Variants in LOXHD1 observed in about 807,000 individuals in gnomAD.
LOXHD1 encodes lipoxygenase homology PLAT domains 1.
In LOXHD1, 205 loss-of-function variants were observed where a neutral mutation model predicts 248.2. The ratio of observed to expected loss-of-function variants is 0.83; its 90% confidence interval spans 0.74 to 0.93. LOXHD1 has a LOEUF of 0.93. Ranked by LOEUF, LOXHD1 falls within the 40% of genes least tolerant of loss-of-function variation. The pLI is 0.00. For synonymous variants in LOXHD1, 1,113 were observed against 1,162.8 expected (o/e 0.96, Z 0.87); for missense variants, 2,930 against 2,971.6 (o/e 0.99, Z 0.33).
At chr18:46,523,885 G>A (rs990551692) in intron 31 of LOXHD1, among the ~76,000 whole-genome samples, 1 of 152,084 alleles carries the variant, frequency 6.6e-6, no homozygotes, top group African/African-American at 2.4e-5. Flanking sequence ...GAGGGGGATA[G>A]CATGGTTGTC....
intron 28 of LOXHD1, among the ~76,000 whole-genome samples, chr18:46,531,620 T>A (rs887118552): frequency 6.6e-6 from 1 of 152,218 alleles, no homozygotes; most frequent in Non-Finnish European, 1.5e-5. Flanking sequence ...GAAAACTGAT[T>A]CAGCTTCTGA....
intron 21 of LOXHD1, among the ~76,000 whole-genome samples, chr18:46,553,681 C>A (rs1031924476): frequency 6.6e-6 from 1 of 152,190 alleles, no homozygotes; most frequent in African/African-American, 2.4e-5. Flanking sequence ...ATGGAACTTA[C>A]ATTCTATTGT....
At chr18:46,522,376 A>C in intron 31 of LOXHD1, 67 bp from the exon 32 acceptor site, 82 of 1,361,288 alleles carry the variant, frequency 6.0e-5, no homozygotes, top group Non-Finnish European at 7.8e-5. Context: ...TCATAGACTC[A>C]CAGATTTGGA....
Position 46,642,042 on chromosome 18 carries a change from A to G in LOXHD1, c.246-6T>C, listed in dbSNP as rs769032151. 1 of 1,552,092 alleles carries G rather than the reference A, an allele frequency of 6.4e-7. No homozygotes were observed. The highest frequency in any genetic ancestry group is 1.2e-5 in the South Asian group (1 of 84,056). ...TCTCAAAGGCAGACTTGCTCCTGCA[A>G]TGAACACGTGCAGTTAGTGCAGATC... is the stretch of plus-strand genomic sequence containing the variant. On this transcript the variant is annotated splice_region_variant and splice_polypyrimidine_tract_variant and intron_variant, in intron 2 of 40. Coordinates refer to ENST00000642948, the MANE Select transcript of LOXHD1 (RefSeq NM_001384474.1).
chr18:46,569,028 A>G (rs1369013011), intron 16 of LOXHD1, among the ~76,000 whole-genome samples: 3 of 152,134 alleles, frequency 2.0e-5, no homozygotes, highest in Non-Finnish European at 4.4e-5. Flanking sequence ...TGCACACTCA[A>G]GTTTGAAATT....
At chr18:46,648,055 A>G (rs1401646479) in intron 2 of LOXHD1, among the ~76,000 whole-genome samples, 1 of 152,178 alleles carries the variant, frequency 6.6e-6, no homozygotes, top group Non-Finnish European at 1.5e-5. Flanking sequence ...CCAGGAGTTC[A>G]AGACCAGCCT....
In LOXHD1 at chr18:46,518,141, T is replaced by C. The variant is rs370816148; in HGVS notation, c.5387A>G (p.Lys1796Arg). ...NGSTEEMQLDKKKARFEREQN... is the reference protein window; with the variant it reads ...NGSTEEMQLDRKKARFEREQN... Reference sequence around the variant, plus strand: ...CGCCTCCAGGTACCTGGCTTTCTTTTTGTCCAGCTGCATCTCCTCTGTGCT... The same window carrying C: ...CGCCTCCAGGTACCTGGCTTTCTTTCTGTCCAGCTGCATCTCCTCTGTGCT... The change falls in exon 34 of 41, where the codon AAA becomes AGA. Residue 1796 changes from lysine to arginine, a missense_variant. Lys to Arg is a conservative substitution (Grantham distance 26). Transcript: ENST00000642948. The C allele has an allele frequency of 2.5e-4, 384 of 1,551,528 alleles. 1 individual carries two copies. The highest frequency in any genetic ancestry group is 3.2e-4 in the Non-Finnish European group (372 of 1,146,990).
intron 3 of LOXHD1, 79 bp from the exon 4 acceptor site, chr18:46,639,879 T>C: frequency 6.7e-7 from 1 of 1,495,180 alleles, no homozygotes; most frequent in Non-Finnish European, 9.1e-7. Flanking sequence ...ACCCAGATGT[T>C]TACTCCAAAG....
At chr18:46,478,328 C>A (rs1413043258) in intron 40 of LOXHD1, among the ~76,000 whole-genome samples, 1 of 152,078 alleles carries the variant, frequency 6.6e-6, no homozygotes, top group East Asian at 1.9e-4. Context: ...GGATTACAGG[C>A]GTGAGCCACT....
chr18:46,531,649 G>A (rs2036076445), intron 28 of LOXHD1, among the ~76,000 whole-genome samples: 1 of 152,238 alleles, frequency 6.6e-6, no homozygotes, highest in Non-Finnish European at 1.5e-5. Flanking sequence ...CAATGCAGTA[G>A]TGCAGTCAGA....
Position 46,638,031 on chromosome 18 carries a change from G to A in LOXHD1, c.511+1585C>T, listed in dbSNP as rs149871407. Among the ~76,000 whole-genome samples the A allele has an allele frequency of 6.9e-3, 1,046 of 152,274 alleles. 19 individuals carry two copies. The highest frequency in any genetic ancestry group is 0.023 in the African/African-American group (943 of 41,552). ...CAAATGTCCAATGATAAGGGATCCA[G>A]TGAATAAATGATGGTATCTCCATGC... is the stretch of plus-strand genomic sequence containing the variant. On this transcript the variant is annotated intron_variant, in intron 4 of 40. Coordinates refer to ENST00000642948, the MANE Select transcript of LOXHD1 (RefSeq NM_001384474.1).
intron 12 of LOXHD1, among the ~76,000 whole-genome samples, chr18:46,580,189 G>T (rs1432952877): frequency 6.6e-6 from 1 of 152,170 alleles, no homozygotes; most frequent in Non-Finnish European, 1.5e-5. Flanking sequence ...GCTTTCTTGG[G>T]GGACTCTGAT....
chr18:46,541,962 A>T, intron 24 of LOXHD1, 22 bp from the exon 25 acceptor site: 1 of 1,544,948 alleles, frequency 6.5e-7, no homozygotes, highest in Admixed American at 2.0e-5. Context: ...GGAGACACAA[A>T]ACCCATCAAG....
At chr18:46,592,298 G>C (rs376830265) in intron 11 of LOXHD1, among the ~76,000 whole-genome samples, 200 bp downstream of exon 11, 25 of 152,076 alleles carry the variant, frequency 1.6e-4, no homozygotes, top group Non-Finnish European at 3.1e-4. Context: ...ACACCTGAGC[G>C]TTTTCTTAAT....
chr18:46,483,063 A>G (rs2032716047), intron 40 of LOXHD1, among the ~76,000 whole-genome samples: 1 of 152,152 alleles, frequency 6.6e-6, no homozygotes, highest in Non-Finnish European at 1.5e-5. Flanking sequence ...AATCTTCCAG[A>G]AATGTCTGAG....
At chr18:46,623,441 G>A (rs893872442) in intron 4 of LOXHD1, among the ~76,000 whole-genome samples, 2 of 152,210 alleles carry the variant, frequency 1.3e-5, no homozygotes, top group African/African-American at 4.8e-5. Context: ...CTAAACACAT[G>A]GTACCTTTCA....
chr18:46,649,147 G>A lies in LOXHD1; in HGVS notation c.245+8C>T, dbSNP rs1287106510. 23 of 1,549,650 alleles carry A rather than the reference G, an allele frequency of 1.5e-5. No homozygotes were observed. The highest frequency in any genetic ancestry group is 1.9e-5 in the Non-Finnish European group (22 of 1,145,252). On this transcript the variant is annotated splice_region_variant and intron_variant, in intron 2 of 40. Transcript: ENST00000642948. ...CCAGGATCCCACCAAGGCCAAGTGG[G>A]TACTCACTTGCTGGTGAGCTGGAGC...
chr18:46,564,758 G>A (rs948559269), intron 17 of LOXHD1, among the ~76,000 whole-genome samples: 1 of 151,666 alleles, frequency 6.6e-6, no homozygotes, highest in Non-Finnish European at 1.5e-5. Context: ...ATGAGGGAAG[G>A]AGTTGATTCT....
chr18:46,601,892 G>A (rs138597562), intron 7 of LOXHD1, among the ~76,000 whole-genome samples: 2 of 152,162 alleles, frequency 1.3e-5, no homozygotes, highest in African/African-American at 2.4e-5. Context: ...TACGTTCAGG[G>A]CTATCTGATT....
Sources: allele counts gnomAD v4.1 joint callset (sites outside exome capture counted in the v4.1 genomes callset), GRCh38; gene constraint gnomAD v4.1.1; transcripts MANE v1.5; gene names NCBI Gene and HGNC (gene_info 2026-07-23, HGNC 2026-07-21).